Variants in FBXL20 observed in about 807,000 individuals in gnomAD.
FBXL20 encodes the protein F-box and leucine rich repeat protein 20.
In FBXL20, 11 loss-of-function variants were observed where a neutral mutation model predicts 64.0. The ratio of observed to expected loss-of-function variants is 0.17; its 90% CI spans 0.11 to 0.28. FBXL20 has a LOEUF of 0.28. Ranked by LOEUF, FBXL20 falls within the 10% of genes least tolerant of loss-of-function variation. The pLI is 1.00. For synonymous variants in FBXL20, 184 were observed against 189.0 expected (o/e 0.97, Z 0.22); for missense variants, 303 against 526.2 (o/e 0.58, Z 4.15).
intron 1 of FBXL20, among the ~76,000 whole-genome samples, chr17:39,389,745 G>C (rs983690199): frequency 2.0e-5 from 3 of 152,184 alleles, no homozygotes; most frequent in Non-Finnish European, 4.4e-5. Flanking sequence ...GTGAACCCAG[G>C]AGGCGGAACT....
intron 1 of FBXL20, among the ~76,000 whole-genome samples, chr17:39,378,043 G>A (rs2047985488): frequency 1.3e-5 from 2 of 152,068 alleles, no homozygotes; most frequent in Non-Finnish European, 2.9e-5. Flanking sequence ...CCAAAAAAAG[G>A]ACAGAGATTT....
upstream of FBXL20, chr17:39,402,554 G>A (rs370989628): frequency 5.3e-5 from 12 of 227,028 alleles, no homozygotes; most frequent in African/African-American, 1.6e-4. Context: ...GTGGGGGTGG[G>A]GCGGGCGAGA....
intron 1 of FBXL20, among the ~76,000 whole-genome samples, chr17:39,351,740 G>A (rs866178279): frequency 6.6e-6 from 1 of 152,216 alleles, no homozygotes; most frequent in Middle Eastern, 3.4e-3. Context: ...GTAATCAGCA[G>A]AAAAACATGG....
intron 2 of FBXL20, among the ~76,000 whole-genome samples, chr17:39,325,809 G>T (rs1008026755): frequency 1.3e-5 from 2 of 152,052 alleles, no homozygotes; most frequent in African/African-American, 4.8e-5. Context: ...GGCAGTTTGG[G>T]TACAGCAAAG....
intron 12 of FBXL20, among the ~76,000 whole-genome samples, chr17:39,267,659 G>C (rs567562146): frequency 3.3e-5 from 5 of 152,298 alleles, no homozygotes; most frequent in African/African-American, 1.2e-4. Flanking sequence ...AGTTTTCATG[G>C]TTATGTTAGG....
intron 2 of FBXL20, among the ~76,000 whole-genome samples, chr17:39,311,604 T>C (rs1322679088): frequency 6.6e-6 from 1 of 152,164 alleles, no homozygotes; most frequent in South Asian, 2.1e-4. Flanking sequence ...AATAAACATA[T>C]ATACTTCCAA....
At chr17:39,305,089 A>C (rs571519104) in intron 2 of FBXL20, among the ~76,000 whole-genome samples, 155 of 152,264 alleles carry the variant, frequency 1.0e-3, no homozygotes, top group African/African-American at 2.8e-3. Context: ...GAAGTATTTT[A>C]CAGTTATGAA....
At position 39,268,785 on chromosome 17, in the gene FBXL20, G is replaced by A. The variant is rs769758601; in HGVS notation, c.933+42C>T. ...TTCTGATGTTGTGTATTATCTAAGT[G>A]TCTACTATACTGTATTTCTGAATTA... On this transcript the variant is annotated intron_variant, in intron 12 of 14. Coordinates refer to ENST00000264658, the MANE Select transcript of FBXL20 (RefSeq NM_032875.3). 2.0e-6 allele frequency: 3 copies of A among 1,537,278 alleles called. No individual in the cohort carries two copies. The East Asian group carries it at 6.7e-5, about 35-fold the overall frequency.
intron 1 of FBXL20, among the ~76,000 whole-genome samples, chr17:39,366,279 A>T (rs951317819): frequency 4.6e-5 from 7 of 152,182 alleles, no homozygotes; most frequent in Admixed American, 4.6e-4. Flanking sequence ...ATAGGCTATC[A>T]TATTTTTTTC....
intron 1 of FBXL20, among the ~76,000 whole-genome samples, chr17:39,344,169 C>T (rs931118167): frequency 4.6e-5 from 7 of 151,854 alleles, no homozygotes; most frequent in African/African-American, 7.3e-5. Context: ...GCCAACATGG[C>T]GGAACTCTGT....
At chr17:39,276,684 C>T (rs997078079) in intron 9 of FBXL20, among the ~76,000 whole-genome samples, 5 of 151,386 alleles carry the variant, frequency 3.3e-5, no homozygotes, top group African/African-American at 7.3e-5. Flanking sequence ...GGATTACAGG[C>T]GTGGGCCACC....
chr17:39,394,778 C>T (rs1373888809), intron 1 of FBXL20, among the ~76,000 whole-genome samples: 2 of 151,884 alleles, frequency 1.3e-5, no homozygotes, highest in Non-Finnish European at 2.9e-5. Flanking sequence ...AGGCTGGTCT[C>T]GAACTCCTGA....
At chr17:39,374,927 C>A (rs1435526807) in intron 1 of FBXL20, among the ~76,000 whole-genome samples, 1 of 152,174 alleles carries the variant, frequency 6.6e-6, no homozygotes, top group African/African-American at 2.4e-5. Flanking sequence ...GCCGGGACTA[C>A]AGGCGCGTGC....
chr17:39,390,722 G>A (rs1321039654), intron 1 of FBXL20, among the ~76,000 whole-genome samples: 1 of 152,092 alleles, frequency 6.6e-6, no homozygotes, highest in Non-Finnish European at 1.5e-5. Flanking sequence ...TCAAGACCCT[G>A]TCTCAAACAA....
chr17:39,322,754 AC>A (rs1449774162), intron 2 of FBXL20, among the ~76,000 whole-genome samples: 1 of 152,176 alleles, frequency 6.6e-6, no homozygotes, highest in Non-Finnish European at 1.5e-5. Context: ...AATAAAAAAA[AC>A]AAACAACAAA....
intron 1 of FBXL20, among the ~76,000 whole-genome samples, chr17:39,366,271 A>G (rs1423385621): frequency 1.3e-5 from 2 of 152,204 alleles, no homozygotes; most frequent in African/African-American, 4.8e-5. Flanking sequence ...CCCTACATAT[A>G]GGCTATCATA....
chr17:39,342,586 G>A (rs1014156892), intron 2 of FBXL20, among the ~76,000 whole-genome samples: 2 of 152,076 alleles, frequency 1.3e-5, no homozygotes, highest in Non-Finnish European at 2.9e-5. Flanking sequence ...GCATGGTGGC[G>A]GGCGCCTGTA....
intron 2 of FBXL20, among the ~76,000 whole-genome samples, chr17:39,331,099 AAT>A (rs1319618708): frequency 6.6e-6 from 1 of 152,128 alleles, no homozygotes; most frequent in Admixed American, 6.5e-5. Flanking sequence ...ACACCTGGCT[AAT>A]TTTTATTTTC....
chr17:39,349,893 G>C (rs1187162532), intron 1 of FBXL20, among the ~76,000 whole-genome samples: 1 of 149,196 alleles, frequency 6.7e-6, no homozygotes, highest in East Asian at 2.0e-4. Flanking sequence ...CAGAGATCGC[G>C]CCACTGCACT....
Sources: allele counts gnomAD v4.1 joint callset (sites outside exome capture counted in the v4.1 genomes callset), GRCh38; gene constraint gnomAD v4.1.1; transcripts MANE v1.5; gene names NCBI Gene and HGNC (gene_info 2026-07-23, HGNC 2026-07-21).